ADAMTS12: variants seen among roughly 807,000 people sequenced by gnomAD.
The protein encoded by ADAMTS12 is A disintegrin and metalloproteinase with thrombospondin motifs 12.
A neutral mutation model predicts 167.8 loss-of-function variants in ADAMTS12; 118 were observed. The observed-to-expected ratio is 0.70, with a 90% CI of 0.61 to 0.82. The LOEUF (loss-of-function observed/expected upper bound fraction) is 0.82. Ranked by LOEUF, ADAMTS12 falls within the 40% of genes least tolerant of loss-of-function variation. ADAMTS12 has a pLI of 0.00. For missense variants in ADAMTS12, 1,916 were observed against 1,998.8 expected, an observed-to-expected ratio of 0.96 and a Z score of 0.79; for synonymous variants, 704 against 716.9, an observed-to-expected ratio of 0.98 and a Z score of 0.29.
chr5:33,848,917 T>C (rs1401041271), intron 2 of ADAMTS12, among the ~76,000 whole-genome samples: 2 of 151,810 alleles, frequency 1.3e-5, no homozygotes, highest in Admixed American at 6.6e-5. Context: ...ATGATATATA[T>C]ATATCGTGGT....
chr5:33,834,238 A>AT (rs77248467), intron 2 of ADAMTS12, among the ~76,000 whole-genome samples: 18,477 of 152,128 alleles, frequency 0.12, 2,264 homozygotes, highest in African/African-American at 0.31. Flanking sequence ...GAGGTACTGG[A>AT]GGTTAGGACT....
intron 3 of ADAMTS12, among the ~76,000 whole-genome samples, chr5:33,716,755 G>C (rs1743630788): frequency 6.6e-6 from 1 of 152,070 alleles, no homozygotes; most frequent in Admixed American, 6.6e-5. Flanking sequence ...TAGCAATGAT[G>C]GATCATCATG....
chr5:33,758,610 A>G (rs1745246512), intron 2 of ADAMTS12, among the ~76,000 whole-genome samples: 1 of 152,212 alleles, frequency 6.6e-6, no homozygotes, highest in Admixed American at 6.5e-5. Context: ...CAGTGTCACT[A>G]AAATTCTGAG....
chr5:33,547,787 C>G (rs969853624), intron 21 of ADAMTS12, among the ~76,000 whole-genome samples: 2 of 152,100 alleles, frequency 1.3e-5, no homozygotes, highest in Non-Finnish European at 2.9e-5. Context: ...GATTGCTCAT[C>G]TTTGATCGCC....
At chr5:33,852,579 T>G (rs1431019663) in intron 2 of ADAMTS12, among the ~76,000 whole-genome samples, 1 of 152,178 alleles carries the variant, frequency 6.6e-6, no homozygotes, top group Non-Finnish European at 1.5e-5. Context: ...TAGTTTATTG[T>G]CCTCCCAGCC....
chr5:33,582,523 A>C (rs1019999363), intron 18 of ADAMTS12, among the ~76,000 whole-genome samples: 1 of 152,192 alleles, frequency 6.6e-6, no homozygotes, highest in East Asian at 1.9e-4. Context: ...ATTTGCTGCC[A>C]CGTCTTCTAT....
At chr5:33,744,687 G>A (rs1218744273) in intron 3 of ADAMTS12, among the ~76,000 whole-genome samples, 1 of 152,204 alleles carries the variant, frequency 6.6e-6, no homozygotes, top group Non-Finnish European at 1.5e-5. Flanking sequence ...AGGCAGAAAT[G>A]ACAAGACTTG....
intron 1 of ADAMTS12, among the ~76,000 whole-genome samples, chr5:33,889,049 C>A (rs1395541567): frequency 6.6e-6 from 1 of 152,142 alleles, no homozygotes; most frequent in African/African-American, 2.4e-5. Flanking sequence ...AAATGTGGAA[C>A]CCTGTGCAAT....
chr5:33,683,198 T>G, intron 4 of ADAMTS12, 97 bp from the exon 5 acceptor site: 2 of 933,150 alleles, frequency 2.1e-6, no homozygotes. Context: ...AAAATAAAGG[T>G]TTTCTTATAG....
chr5:33,666,580 C>A (rs1042893032), intron 5 of ADAMTS12, among the ~76,000 whole-genome samples: 6 of 152,126 alleles, frequency 3.9e-5, no homozygotes, highest in African/African-American at 1.4e-4. Flanking sequence ...GCAACCTCCA[C>A]CTCCCAGGTT....
chr5:33,577,113 A>G lies in ADAMTS12; in HGVS notation c.2913T>C (p.Cys971=), dbSNP rs1273164273. The G allele has an allele frequency of 6.2e-7, 1 of 1,614,220 alleles. No individual in the cohort carries two copies. The highest frequency in any genetic ancestry group is 8.5e-7 in the Non-Finnish European group (1 of 1,180,028). The change falls in exon 19 of 24, where the codon TGT becomes TGC. Residue 971 remains cysteine, a synonymous_variant. Coordinates refer to ENST00000504830, the MANE Select transcript of ADAMTS12 (RefSeq NM_030955.4). ...GGGVRIRSVT[C]AKNHDEPCDV... ...CGCAAGGTTCATCATGGTTCTTGGC[A>G]CATGTGACACTGCGAATCCGCACTC... is the stretch of plus-strand genomic sequence containing the variant.
intron 2 of ADAMTS12, among the ~76,000 whole-genome samples, chr5:33,798,036 T>G (rs1746845920): frequency 6.6e-6 from 1 of 152,202 alleles, no homozygotes; most frequent in Non-Finnish European, 1.5e-5. Context: ...CTCAGCATCT[T>G]CAGTGATGAA....
At chr5:33,743,622 G>A (rs964853008) in intron 3 of ADAMTS12, among the ~76,000 whole-genome samples, 1 of 152,142 alleles carries the variant, frequency 6.6e-6, no homozygotes, top group African/African-American at 2.4e-5. Flanking sequence ...CCGGTGTCTG[G>A]CACAGTGTGA....
chr5:33,701,368 C>A (rs1263402691), intron 3 of ADAMTS12, among the ~76,000 whole-genome samples: 1 of 152,142 alleles, frequency 6.6e-6, no homozygotes, highest in Non-Finnish European at 1.5e-5. Flanking sequence ...CTCTGACTGC[C>A]TGGCTACTCT....
chr5:33,757,659 A>T (rs1745213152), intron 2 of ADAMTS12, among the ~76,000 whole-genome samples: 2 of 152,236 alleles, frequency 1.3e-5, no homozygotes, highest in Non-Finnish European at 2.9e-5. Flanking sequence ...AAAATGGACA[A>T]AATGGGTTCT....
intron 2 of ADAMTS12, among the ~76,000 whole-genome samples, chr5:33,763,902 G>A (rs1358953132): frequency 6.6e-6 from 1 of 152,070 alleles, no homozygotes; most frequent in African/African-American, 2.4e-5. Flanking sequence ...GTGTGACCTT[G>A]GTCAAATGGA....
intron 2 of ADAMTS12, among the ~76,000 whole-genome samples, chr5:33,759,580 T>TTGA (rs1277377161): frequency 6.6e-6 from 1 of 152,232 alleles, no homozygotes; most frequent in Non-Finnish European, 1.5e-5. Context: ...GGATGTCATG[T>TTGA]TGATGGACAG....
In ADAMTS12 at chr5:33,548,798, T is replaced by A. The variant is rs891933636; in HGVS notation, c.4302+409A>T. ...CTAATATTATACTGTGTGGAAAAGA[T>A]AGGGCTGTTTCTCCCAGCCTGACTG... On this transcript the variant is annotated intron_variant, in intron 21 of 23. Transcript: ENST00000504830. 2.6e-5 allele frequency among the ~76,000 whole-genome samples: 4 copies of A among 152,010 alleles called. No individual in the cohort carries two copies. The East Asian group carries it at 7.7e-4, about 29-fold the overall frequency.
intron 3 of ADAMTS12, among the ~76,000 whole-genome samples, chr5:33,716,844 G>A (rs373780398): frequency 3.9e-5 from 6 of 152,072 alleles, no homozygotes; most frequent in African/African-American, 1.4e-4. Flanking sequence ...AGGCCCAAAG[G>A]CTTCAGATTC....
Sources: gnomAD v4.1 joint callset for allele counts (sites outside exome capture counted in the v4.1 genomes callset) on GRCh38, gnomAD v4.1.1 for gene constraint, MANE v1.5 for transcripts, NCBI Gene and HGNC (gene_info 2026-07-23, HGNC 2026-07-21) for gene names.